The following ABCA2 variants were observed in gnomAD, a reference collection of about 807,000 sequenced individuals.
ABCA2 encodes the protein ATP-binding cassette sub-family A member 2.
Under a neutral mutation model 262.8 loss-of-function variants are expected in ABCA2, and 84 were observed. The ratio of observed to expected loss-of-function variants is 0.32; its 90% CI spans 0.27 to 0.38. The LOEUF is 0.38. Ranked by LOEUF, ABCA2 falls within the 10% of genes least tolerant of loss-of-function variation. ABCA2 has a pLI of 1.00. For synonymous variants in ABCA2, 1,696 were observed against 1,502.9 expected, an observed-to-expected ratio of 1.13 and a Z score of -2.97; for missense variants, 2,662 against 3,405.9, an observed-to-expected ratio of 0.78 and a Z score of 5.44.
At chr9:137,020,661 C>T in intron 9 of ABCA2, 33 bp downstream of exon 9, 2 of 1,595,474 alleles carry the variant, frequency 1.3e-6, no homozygotes, top group Non-Finnish European at 1.7e-6. Flanking sequence ...CCTGGCTGTC[C>T]TCCTCACCCC....
Position 137,012,605 on chromosome 9 carries a change from G to A in ABCA2, c.5082-15C>T, listed in dbSNP as rs1045205162. ...TGGCCCCATACCTGGGCAGGCAGGT[G>A]GGAGGGGCGGTGAGGCTAGGCAGGC... is the stretch of plus-strand genomic sequence containing the variant. On this transcript the variant is annotated splice_polypyrimidine_tract_variant and intron_variant, in intron 31 of 48. Coordinates refer to ENST00000341511, the MANE Select transcript of ABCA2 (RefSeq NM_001606.5). 1.2e-6 allele frequency: 2 copies of A among 1,610,882 alleles called. No homozygotes were observed. The highest frequency in any genetic ancestry group is 2.7e-5 in the African/African-American group (2 of 74,936).
chr9:137,015,934 T>TGGGGG, intron 22 of ABCA2, 28 bp downstream of exon 22: 6 of 654,224 alleles, frequency 9.2e-6, no homozygotes, highest in Non-Finnish European at 1.3e-5. Flanking sequence ...TCCGCCCACC[T>TGGGGG]GCCCCGCCCC....
Position 137,014,216 on chromosome 9 carries a change from G to T in ABCA2, c.4192C>A (p.Arg1398Ser), listed in dbSNP as rs368482288. 4.9e-5 allele frequency: 79 copies of T among 1,609,558 alleles called. 1 individual carries two copies. Among genetic ancestry groups the T allele is most frequent in the South Asian group, 1.5e-4 (14 of 90,480 alleles). The change falls in exon 27 of 49, where the codon CGC (arginine) becomes AGC (serine). Residue 1398 changes from arginine to serine, a missense_variant. Arg to Ser is a moderately radical substitution (Grantham distance 110, BLOSUM62 -1). This residue lies in a region of ABCA2 where 297 missense variants were observed against 286.5 expected (regional missense o/e 1.04). Coordinates refer to ENST00000341511, the MANE Select transcript of ABCA2 (RefSeq NM_001606.5). ...AGYTDVYGDY[R>S]PLFDNPQDPD... ...TCCTGTGGGTTATCAAAGAGGGGGC[G>T]GTAGTCGCCATAGACGTCGGTGTAG... is the stretch of plus-strand genomic sequence containing the variant.
chr9:137,009,312 T>TGCCTGGCCGCCCCCCCC (rs1160988939), intron 45 of ABCA2, 58 bp downstream of exon 45: 2 of 1,299,810 alleles, frequency 1.5e-6, no homozygotes, highest in African/African-American at 3.3e-5. Context: ...CTGGCCCCGC[T>TGCCTGGCCGCCCCCCCC]GCCTGGCCGC....
rs1421625430 is a variant in ABCA2, at chr9:137,008,969, G to T, written c.6912C>A (p.Phe2304Leu). The change falls in exon 46 of 49, where the codon TTC becomes TTA. Residue 2304 changes from phenylalanine to leucine, a missense_variant. By Grantham distance (22) the Phe-to-Leu change is conservative. Around this residue, in one of 12 missense-constraint regions of ABCA2, gnomAD observed 212 missense variants for 214.4 expected, o/e 0.99. Transcript: ENST00000341511. ...KDVVRFFNRN[F>L]PEAMLKERHH... Reference sequence around the variant, plus strand: ...GGCGCACCTTGAGCATGGCTTCCGGGAAGTTGCGGTTGAAGAACCGCACCA... The same window carrying T: ...GGCGCACCTTGAGCATGGCTTCCGGTAAGTTGCGGTTGAAGAACCGCACCA... 6 of 1,606,956 alleles carry T rather than the reference G, an allele frequency of 3.7e-6. No homozygotes were observed. In the Admixed American group the frequency reaches 1.0e-4, roughly 27 times the overall value.
intron 40 of ABCA2, 28 bp downstream of exon 40, chr9:137,010,592 G>T: frequency 2.0e-6 from 1 of 508,018 alleles, no homozygotes; most frequent in Non-Finnish European, 3.5e-6. Context: ...ACCCCACCCA[G>T]GCCCCACCCT....
At chr9:137,015,934 T>TGGGGCGGGGGGGGGGGGGGGGGGG in intron 22 of ABCA2, 28 bp downstream of exon 22, 2 of 654,348 alleles carry the variant, frequency 3.1e-6, no homozygotes, top group Non-Finnish European at 4.2e-6. Flanking sequence ...TCCGCCCACC[T>TGGGGCGGGGGGGGGGGGGGGGGGG]GCCCCGCCCC....
intron 40 of ABCA2, 61 bp downstream of exon 40, chr9:137,010,558 GC>G (rs748721639): frequency 6.3e-7 from 1 of 1,581,776 alleles, no homozygotes; most frequent in South Asian, 1.1e-5. Context: ...CACTGCTGGG[GC>G]CCCACCCCCC....
chr9:137,024,079 A>G (rs1831570531), intron 2 of ABCA2, 64 bp downstream of exon 2: 5 of 1,537,046 alleles, frequency 3.3e-6, no homozygotes, highest in Non-Finnish European at 4.4e-6. Flanking sequence ...ATGTGCACAC[A>G]CAGCGCAGGC....
Position 137,023,752 on chromosome 9 carries a change from C to T in ABCA2, c.163+86G>A, listed in dbSNP as rs1831558123. 3.5e-5 allele frequency: 25 copies of T among 716,778 alleles called. No homozygotes were observed. In the Middle Eastern group the frequency reaches 9.1e-4, roughly 26 times the overall value. 44.4% of individuals were successfully genotyped at this position (716,778 alleles called of 1,614,324 possible). ...GGCCCGGGAGGGCTGTTAATGCAAG[C>T]GGGGAGGGCGCTCAAGCCAGGACGG... On this transcript the variant is annotated intron_variant, in intron 3 of 48. Coordinates refer to ENST00000341511, the MANE Select transcript of ABCA2 (RefSeq NM_001606.5).
In ABCA2 at chr9:137,020,944, C is replaced by T. The variant is rs765799947; in HGVS notation, c.1015G>A (p.Val339Ile). 1.3e-6 allele frequency: 2 copies of T among 1,565,182 alleles called. No individual in the cohort carries two copies. The highest frequency in any genetic ancestry group is 1.7e-6 in the Non-Finnish European group (2 of 1,155,284). ...AGTAGCAGGGCCAGGGCCGACAGGA[C>T]ATCCACATCCTGCAGAACCTTCTGG... ...DAQKVLQDVDVLSALALLLPQ... is the reference protein window; with the variant it reads ...DAQKVLQDVDILSALALLLPQ... The change falls in exon 9 of 49, where the codon GTC (valine) becomes ATC (isoleucine). Residue 339 changes from valine to isoleucine, a missense_variant. Physicochemically the swap from Val to Ile is conservative, Grantham distance 29 (BLOSUM62 3). This residue lies in a region of ABCA2 where 403 missense variants were observed against 375.9 expected (regional missense o/e 1.07). Coordinates refer to ENST00000341511, the MANE Select transcript of ABCA2 (RefSeq NM_001606.5).
intron 9 of ABCA2, 78 bp from the exon 10 acceptor site, chr9:137,020,573 C>T: frequency 1.3e-6 from 2 of 1,546,480 alleles, no homozygotes; most frequent in Non-Finnish European, 1.7e-6. Context: ...CGGGATGGGG[C>T]AGGACTTCGG....
chr9:137,012,178 C>G lies in ABCA2; in HGVS notation c.5300-16G>C, dbSNP rs554207458. The G allele has an allele frequency of 3.1e-6, 5 of 1,610,614 alleles. 1 individual carries two copies. The South Asian group carries it at 4.4e-5, about 14-fold the overall frequency. ...ACGGTGATGCCTGCACACGGCGGGG[C>G]GGGGGCGGCAGCTTCAGGCCCCAGC... On this transcript the variant is annotated splice_polypyrimidine_tract_variant and intron_variant, in intron 33 of 48. Coordinates refer to ENST00000341511, the MANE Select transcript of ABCA2 (RefSeq NM_001606.5).
chr9:137,011,756 G>A lies in ABCA2; in HGVS notation c.5536-7C>T. ...CGGGGACCAGGTAGTTGAGCTGCAGGGGTGGGGGCGGCTGGTGAGAGACCC... is the reference window on the plus strand; with the variant it reads ...CGGGGACCAGGTAGTTGAGCTGCAGAGGTGGGGGCGGCTGGTGAGAGACCC... On this transcript the variant is annotated splice_polypyrimidine_tract_variant and splice_region_variant and intron_variant, in intron 35 of 48. Coordinates refer to ENST00000341511, the MANE Select transcript of ABCA2 (RefSeq NM_001606.5). This position sits in a 1 kb window ranked among gnomAD's most constrained non-coding sequence, Gnocchi z 8.8. 6.4e-7 allele frequency: 1 copy of A among 1,550,644 alleles called. No homozygotes were observed. The highest frequency in any genetic ancestry group is 1.4e-5 in the African/African-American group (1 of 73,202).
At position 137,011,401 on chromosome 9, in the gene ABCA2, C is replaced by A; in HGVS notation, c.5799+6G>T. On this transcript the variant is annotated splice_donor_region_variant and intron_variant, in intron 37 of 48. Coordinates refer to ENST00000341511, the MANE Select transcript of ABCA2 (RefSeq NM_001606.5). The surrounding 1 kb of genome is among the most constrained non-coding windows in gnomAD (Gnocchi z 8.8). ...CGCCACCCCCACCATGTCGTCACCG[C>A]CCCACCTTGTCGTGCTCGAAGAGCT... 6.2e-7 allele frequency: 1 copy of A among 1,609,898 alleles called. No homozygotes were observed. Among genetic ancestry groups the A allele is most frequent in the Non-Finnish European group, 8.5e-7 (1 of 1,178,664 alleles).
At chr9:137,028,829 G>A (rs776151271), upstream of ABCA2, 3 of 1,315,358 alleles carry the variant, frequency 2.3e-6, no homozygotes, top group South Asian at 1.2e-5. This position sits in a 1 kb window ranked among gnomAD's most constrained non-coding sequence, Gnocchi z 6.9. Flanking sequence ...GCAGGCAGGG[G>A]ACCGAGGCGG....
chr9:137,024,797 CTTTTTTT>C (rs869249419), intron 1 of ABCA2, among the ~76,000 whole-genome samples: 1 of 139,624 alleles, frequency 7.2e-6, no homozygotes, highest in Non-Finnish European at 1.6e-5. Flanking sequence ...GCAAAGGCAC[CTTTTTTT>C]TTTTTTTTTT....
Position 137,019,424 on chromosome 9 carries a change from C to CTTTTTT in ABCA2, c.1426-124_1426-119dup. The CTTTTTT allele has an allele frequency of 2.2e-6, 2 of 906,366 alleles. No homozygotes were observed. Among genetic ancestry groups the CTTTTTT allele is most frequent in the Non-Finnish European group, 1.6e-6 (1 of 638,544 alleles). 56.1% of individuals were successfully genotyped at this position (906,366 alleles called of 1,614,324 possible). Reference sequence around the variant, plus strand: ...ATTGCCAACAACTAACCCTCCCCACCTTTTTTTTTTTTTTTTTCCTGAGAC... The same window carrying CTTTTTT: ...ATTGCCAACAACTAACCCTCCCCACCTTTTTTTTTTTTTTTTTTTTTTTCCTGAGAC... On this transcript the variant is annotated intron_variant, in intron 10 of 48. Coordinates refer to ENST00000341511, the MANE Select transcript of ABCA2 (RefSeq NM_001606.5). The surrounding 1 kb of genome is among the most constrained non-coding windows in gnomAD (Gnocchi z 4.4).
chr9:137,007,700 G>T lies in ABCA2; in HGVS notation c.*229C>A. 1 of 628,708 alleles carries T rather than the reference G, an allele frequency of 1.6e-6. No individual in the cohort carries two copies. The highest frequency in any genetic ancestry group is 2.8e-6 in the Non-Finnish European group (1 of 355,746). 38.9% of individuals were successfully genotyped at this position (628,708 alleles called of 1,614,324 possible). A position where few individuals can be genotyped will look rare whatever the true frequency, so the allele number is the denominator to read the frequency against. ...AGGCTTTAAGGCAAAGCAGGGCAAG[G>T]GTGTACGCAGCCCGGGCCGGGTCAG... is the stretch of plus-strand genomic sequence containing the variant. On this transcript the variant is annotated 3_prime_UTR_variant, in exon 49 of 49. Transcript: ENST00000341511.
Sources: gnomAD v4.1 joint callset for allele counts (sites outside exome capture counted in the v4.1 genomes callset) on GRCh38, gnomAD v4.1.1 for gene constraint, gnomAD v4.1.1 regional missense constraint, Gnocchi (gnomAD v3.1) non-coding constraint, MANE v1.5 for transcripts, NCBI Gene and HGNC (gene_info 2026-07-23, HGNC 2026-07-21) for gene names.